The following LRCH3 variants were observed in gnomAD, a reference collection of about 807,000 sequenced individuals.
LRCH3 encodes DISP complex protein LRCH3.
LRCH3 carries 68 observed loss-of-function variants against 104.5 expected under a neutral mutation model. That is an observed-to-expected ratio of 0.65 (90% CI 0.54 to 0.80). The LOEUF (loss-of-function observed/expected upper bound fraction) is 0.80, where lower values mean the gene tolerates loss of function less well. Ranked by LOEUF, LRCH3 falls within the 30% of genes least tolerant of loss-of-function variation. LRCH3 has a pLI of 0.00. For missense variants in LRCH3, 951 were observed against 953.9 expected, an observed-to-expected ratio of 1.00 and a Z score of 0.04; for synonymous variants, 344 against 361.3, an observed-to-expected ratio of 0.95 and a Z score of 0.54.
chr3:197,838,911 A>G (rs1159366593), intron 9 of LRCH3, among the ~76,000 whole-genome samples: 2 of 152,224 alleles, frequency 1.3e-5, no homozygotes, highest in Admixed American at 6.5e-5. Flanking sequence ...TGAACTCACT[A>G]TTACCAGAAA....
At position 197,854,473 on chromosome 3, in the gene LRCH3, C is replaced by T. The variant is rs758426521; in HGVS notation, c.1644+28C>T. ...AAGAGTTTTGCACAAAACGGAGTTT[C>T]GCATTTCTGTGTTTAGAGATTGTAC... On this transcript the variant is annotated intron_variant, in intron 14 of 20. Coordinates refer to ENST00000425562, the MANE Select transcript of LRCH3 (RefSeq NM_001365715.1). The surrounding 1 kb of genome is among the most constrained non-coding windows in gnomAD (Gnocchi z 4.5). 41 of 1,605,072 alleles carry T rather than the reference C, an allele frequency of 2.6e-5. No individual in the cohort carries two copies. The highest frequency in any genetic ancestry group is 2.5e-4 in the East Asian group (11 of 44,856).
At chr3:197,829,405 A>T (rs1305532142) in intron 5 of LRCH3, among the ~76,000 whole-genome samples, 159 bp from the exon 6 acceptor site, 2 of 152,260 alleles carry the variant, frequency 1.3e-5, no homozygotes, top group Non-Finnish European at 2.9e-5. Context: ...AATAACACTT[A>T]ACCAAATAAT....
At position 197,863,406 on chromosome 3, in the gene LRCH3, C is replaced by T. The variant is rs13082895; in HGVS notation, c.1717-2017C>T. Among the ~76,000 whole-genome samples the T allele has an allele frequency of 5.0e-3, 766 of 152,166 alleles. 8 individuals carry two copies. Among genetic ancestry groups the T allele is most frequent in the Non-Finnish European group, 5.1e-3 (345 of 67,998 alleles). On this transcript the variant is annotated intron_variant, in intron 15 of 20. Coordinates refer to ENST00000425562, the MANE Select transcript of LRCH3 (RefSeq NM_001365715.1). ...CCTCCCAAGTAGCTGGGACTACAGG[C>T]GCCACCACCATGCCCACCTAATTTT...
chr3:197,807,516 C>T (rs115699947), intron 1 of LRCH3, among the ~76,000 whole-genome samples: 5,495 of 152,122 alleles, frequency 0.036, 173 homozygotes, highest in African/African-American at 0.077. Flanking sequence ...CCACCATGCC[C>T]GGCCGCATCA....
At chr3:197,817,778 T>C (rs1262763004) in intron 3 of LRCH3, among the ~76,000 whole-genome samples, 1 of 152,120 alleles carries the variant, frequency 6.6e-6, no homozygotes, top group Non-Finnish European at 1.5e-5. Context: ...AGACGCTATC[T>C]CCCACTCTAT....
chr3:197,831,707 ACCATGG>A (rs1483833530), intron 7 of LRCH3, among the ~76,000 whole-genome samples: 2 of 152,170 alleles, frequency 1.3e-5, no homozygotes, highest in Non-Finnish European at 1.5e-5. Flanking sequence ...CAGTGGCACG[ACCATGG>A]CTCAAGCAGT....
In LRCH3 at chr3:197,791,371, C is replaced by T; in HGVS notation, c.93C>T (p.Gly31=). ...SGGNLPGVHC[G]PSSGAGPGFG... ...GTAACCTCCCTGGTGTTCACTGCGGCCCAAGCTCCGGGGCAGGCCCTGGTT... is the reference window on the plus strand; with the variant it reads ...GTAACCTCCCTGGTGTTCACTGCGGTCCAAGCTCCGGGGCAGGCCCTGGTT... The change falls in exon 1 of 21, where the codon GGC becomes GGT. Residue 31 remains glycine, a synonymous_variant. Transcript: ENST00000425562. The T allele has an allele frequency of 9.4e-6, 15 of 1,601,748 alleles. No individual in the cohort carries two copies. The highest frequency in any genetic ancestry group is 1.3e-5 in the Non-Finnish European group (15 of 1,175,606).
chr3:197,829,133 T>G (rs948326315), intron 5 of LRCH3, among the ~76,000 whole-genome samples: 4 of 152,236 alleles, frequency 2.6e-5, no homozygotes, highest in Non-Finnish European at 5.9e-5. Context: ...GAAATATATG[T>G]AATGTTTCAT....
chr3:197,850,644 A>T, intron 12 of LRCH3: 2 of 1,551,504 alleles, frequency 1.3e-6, no homozygotes, highest in Non-Finnish European at 8.9e-7. Flanking sequence ...TGAACCCTTA[A>T]GTTCAGCATC....
At chr3:197,833,629 G>A (rs1736274061) in intron 8 of LRCH3, among the ~76,000 whole-genome samples, 1 of 152,072 alleles carries the variant, frequency 6.6e-6, no homozygotes, top group Non-Finnish European at 1.5e-5. Context: ...TTGAAAAAAA[G>A]CGTGTAAAAT....
chr3:197,799,250 T>C (rs1232304543), intron 1 of LRCH3, among the ~76,000 whole-genome samples: 1 of 152,206 alleles, frequency 6.6e-6, no homozygotes, highest in Admixed American at 6.5e-5. Flanking sequence ...GGTGTGGTTA[T>C]ATACATGTTT....
At position 197,886,242 on chromosome 3, in the gene LRCH3, G is replaced by A. The variant is rs1044083844; in HGVS notation, c.*2576G>A. The A allele has an allele frequency of 6.6e-6, 1 of 152,026 alleles. No homozygotes were observed. Among genetic ancestry groups the A allele is most frequent in the South Asian group, 2.1e-4 (1 of 4,814 alleles). The allele number at this position is 152,026 out of a possible 1,614,324, so 9.4% of individuals were successfully genotyped here. On this transcript the variant is annotated 3_prime_UTR_variant, in exon 21 of 21. Transcript: ENST00000425562. ...TGCCTGTACTCCCAGCTACTCAGGAGGCTGGGGTGGGAGGATCACTTGAGC... is the reference window on the plus strand; with the variant it reads ...TGCCTGTACTCCCAGCTACTCAGGAAGCTGGGGTGGGAGGATCACTTGAGC...
At chr3:197,803,646 CAG>C (rs1732141178) in intron 1 of LRCH3, among the ~76,000 whole-genome samples, 2 of 150,812 alleles carry the variant, frequency 1.3e-5, no homozygotes, top group African/African-American at 4.9e-5. Context: ...GCTTAGGCCA[CAG>C]AGTGAGACTG....
intron 19 of LRCH3, among the ~76,000 whole-genome samples, chr3:197,875,173 C>T (rs758607463): frequency 2.6e-5 from 4 of 152,144 alleles, no homozygotes; most frequent in East Asian, 1.9e-4. Flanking sequence ...TGAGGTGATC[C>T]GCCCACCTCA....
intron 15 of LRCH3, among the ~76,000 whole-genome samples, chr3:197,860,301 A>G (rs1185153092): frequency 6.6e-6 from 1 of 151,780 alleles, no homozygotes; most frequent in African/African-American, 2.4e-5. Context: ...ACCTCCTTCA[A>G]CTTCTAAATG....
rs138542299 is a variant in LRCH3, at chr3:197,824,883, T to G, written c.641-1995T>G. ...CTGCACCTGGCCTGCTGCCCAGCTT[T>G]CTTTCTTCTGTGTTAAATACTCTGA... On this transcript the variant is annotated intron_variant, in intron 4 of 20. Transcript: ENST00000425562. Among the ~76,000 whole-genome samples, 1,137 of 152,334 alleles carry G rather than the reference T, an allele frequency of 7.5e-3. 9 individuals are homozygous for G. Among genetic ancestry groups the G allele is most frequent in the Non-Finnish European group, 0.013 (876 of 68,030 alleles).
At chr3:197,792,577 T>TATA (rs1730660774) in intron 1 of LRCH3, among the ~76,000 whole-genome samples, 23 of 20,346 alleles carry the variant, frequency 1.1e-3, no homozygotes, top group Admixed American at 7.1e-3. Context: ...CCAGCTAATT[T>TATA]TATATATATA....
chr3:197,879,407 G>A (rs920310350), intron 20 of LRCH3, among the ~76,000 whole-genome samples: 4 of 152,086 alleles, frequency 2.6e-5, no homozygotes, highest in Non-Finnish European at 5.9e-5. Flanking sequence ...AGCACTTTGG[G>A]AGGCCGAGGT....
At chr3:197,881,403 T>C in intron 20 of LRCH3, 2 of 985,808 alleles carry the variant, frequency 2.0e-6, no homozygotes, top group Non-Finnish European at 2.4e-6. Context: ...ATACGCTGTA[T>C]GTGCTGCACA....
Sources: allele counts gnomAD v4.1 joint callset (sites outside exome capture counted in the v4.1 genomes callset), GRCh38; gene constraint gnomAD v4.1.1; non-coding constraint Gnocchi (gnomAD v3.1); transcripts MANE v1.5; gene names NCBI Gene and HGNC (gene_info 2026-07-23, HGNC 2026-07-21).